DOCK3: variants seen among roughly 807,000 people sequenced by gnomAD.
DOCK3 encodes dedicator of cytokinesis protein 3.
In DOCK3, 60 loss-of-function variants were observed where a neutral mutation model predicts 265.6. The ratio of observed to expected loss-of-function variants is 0.23; its 90% confidence interval spans 0.18 to 0.28. The LOEUF (loss-of-function observed/expected upper bound fraction) is 0.28. Among genes scored for constraint, DOCK3 ranks in the 10% least tolerant of loss-of-function variants. The pLI, the probability that DOCK3 is intolerant of heterozygous loss-of-function variation, is 1.00. For synonymous variants in DOCK3, 881 were observed against 938.0 expected (o/e 0.94, Z 1.11); for missense variants, 1,981 against 2,594.3 (o/e 0.76, Z 5.14).
At position 51,306,416 on chromosome 3, in the gene DOCK3, TAG is replaced by T. The variant is rs201114539; in HGVS notation, c.2923-3813_2923-3812del. ...CGAATCTCTTTGATTTTATCCCCTG[TAG>T]AGTTTGTTGAGCTTCTTGGCTGTGT... On this transcript the variant is annotated intron_variant, in intron 27 of 52. Coordinates refer to ENST00000266037, the MANE Select transcript of DOCK3 (RefSeq NM_004947.5). Among the ~76,000 whole-genome samples, 17 of 152,332 alleles carry T rather than the reference TAG, an allele frequency of 1.1e-4. No individual in the cohort carries two copies. In the East Asian group the frequency reaches 2.9e-3, roughly 26 times the overall value.
At chr3:50,988,864 C>A (rs1480182545) in intron 5 of DOCK3, among the ~76,000 whole-genome samples, 1 of 152,182 alleles carries the variant, frequency 6.6e-6, no homozygotes, top group Non-Finnish European at 1.5e-5. Flanking sequence ...CAGCCTCCCC[C>A]AGCCAGAGCT....
intron 2 of DOCK3, chr3:50,786,619 T>G: frequency 1.7e-6 from 1 of 579,778 alleles, no homozygotes; most frequent in Non-Finnish European, 3.3e-6. Flanking sequence ...TTGTCCGCAC[T>G]CTGGCCTTTA....
chr3:51,151,375 C>T (rs922269156), intron 10 of DOCK3, among the ~76,000 whole-genome samples: 1 of 152,142 alleles, frequency 6.6e-6, no homozygotes, highest in African/African-American at 2.4e-5. Flanking sequence ...AACTAACAAA[C>T]AGAAAGGAAG....
At chr3:50,727,464 G>A (rs760136904) in intron 1 of DOCK3, among the ~76,000 whole-genome samples, 14 of 152,156 alleles carry the variant, frequency 9.2e-5, no homozygotes, top group African/African-American at 3.1e-4. Flanking sequence ...TTGGGAGGCC[G>A]AGGTGGGCAG....
At chr3:51,112,821 A>G (rs2083576809) in intron 9 of DOCK3, among the ~76,000 whole-genome samples, 1 of 152,134 alleles carries the variant, frequency 6.6e-6, no homozygotes, top group African/African-American at 2.4e-5. Flanking sequence ...ATTAATTAAA[A>G]CAGGATTTCT....
At chr3:51,357,443 G>A (rs962135158) in intron 44 of DOCK3, among the ~76,000 whole-genome samples, 1 of 152,180 alleles carries the variant, frequency 6.6e-6, no homozygotes, top group Admixed American at 6.5e-5. Flanking sequence ...CAGGAGAAGT[G>A]AGTTGTAGGC....
chr3:51,369,517 C>G (rs987301069), intron 49 of DOCK3, among the ~76,000 whole-genome samples: 1 of 152,118 alleles, frequency 6.6e-6, no homozygotes, highest in African/African-American at 2.4e-5. Context: ...AAGAAATGAA[C>G]AAAGCCCCCA....
At chr3:51,004,287 A>G (rs1477168868) in intron 5 of DOCK3, among the ~76,000 whole-genome samples, 1 of 152,106 alleles carries the variant, frequency 6.6e-6, no homozygotes, top group Admixed American at 6.6e-5. Context: ...GGCCCATGTG[A>G]GTGAATTTAA....
At position 51,236,379 on chromosome 3, in the gene DOCK3, T is replaced by A; in HGVS notation, c.1952T>A (p.Ile651Asn). 6.2e-7 allele frequency: 1 copy of A among 1,613,468 alleles called. No individual in the cohort carries two copies. Reference sequence around the variant, plus strand: ...GACATCTTAGATACACTCTTTGTGATTTTGGATGATAATACAGAGAAGTAC... The same window carrying A: ...GACATCTTAGATACACTCTTTGTGAATTTGGATGATAATACAGAGAAGTAC... ...LQDILDTLFV[I>N]LDDNTEKYGL... The change falls in exon 20 of 53, where the codon ATT becomes AAT. Residue 651 changes from isoleucine to asparagine, a missense_variant. This residue lies in a region of DOCK3 where 1,357 missense variants were observed against 1,866.8 expected (regional missense o/e 0.73). Transcript: ENST00000266037.
chr3:50,936,862 A>T (rs2051391097), intron 5 of DOCK3, among the ~76,000 whole-genome samples: 1 of 152,244 alleles, frequency 6.6e-6, no homozygotes, highest in Non-Finnish European at 1.5e-5. Flanking sequence ...AACATTAGGA[A>T]TGAAGAAAGC....
chr3:50,696,965 CTGT>C (rs1307427299), intron 1 of DOCK3, among the ~76,000 whole-genome samples: 1 of 148,036 alleles, frequency 6.8e-6, no homozygotes, highest in African/African-American at 2.5e-5. Context: ...CTCACTAACT[CTGT>C]TGCTCAGGCT....
chr3:51,360,725 C>A (rs2086671785), intron 47 of DOCK3, 93 bp downstream of exon 47: 1 of 1,521,824 alleles, frequency 6.6e-7, no homozygotes, highest in Admixed American at 2.0e-5. Flanking sequence ...TACTCATATT[C>A]CCTCTTACCC....
chr3:51,110,442 T>C (rs906896924), intron 9 of DOCK3, among the ~76,000 whole-genome samples: 2 of 152,068 alleles, frequency 1.3e-5, no homozygotes, highest in Admixed American at 1.3e-4. Flanking sequence ...CTCAACAAAA[T>C]ACTAGCAAAC....
intron 5 of DOCK3, among the ~76,000 whole-genome samples, chr3:50,947,425 A>T (rs946837763): frequency 2.0e-5 from 3 of 152,088 alleles, no homozygotes; most frequent in Non-Finnish European, 4.4e-5. Context: ...TTTCAGTTGA[A>T]AGCATTTGCA....
intron 49 of DOCK3, among the ~76,000 whole-genome samples, chr3:51,369,712 G>A (rs1475616416): frequency 6.6e-6 from 1 of 151,540 alleles, no homozygotes; most frequent in East Asian, 1.9e-4. Context: ...AGTGACTGCT[G>A]TATGGCACAG....
chr3:50,948,181 C>T (rs1422788475), intron 5 of DOCK3, among the ~76,000 whole-genome samples: 4 of 150,446 alleles, frequency 2.7e-5, no homozygotes, highest in Non-Finnish European at 5.9e-5. Context: ...CTTGGCCTCC[C>T]GAGTAGCTGG....
At chr3:51,191,515 C>T (rs530828605) in intron 12 of DOCK3, among the ~76,000 whole-genome samples, 2 of 152,270 alleles carry the variant, frequency 1.3e-5, no homozygotes, top group East Asian at 3.9e-4. Context: ...AGGCCTTCCC[C>T]TGTGGGCTGA....
At chr3:51,342,731 G>A (rs1484427922) in intron 38 of DOCK3, among the ~76,000 whole-genome samples, 3 of 152,210 alleles carry the variant, frequency 2.0e-5, no homozygotes, top group Non-Finnish European at 4.4e-5. Context: ...GCATAGAAAA[G>A]CAGGATTAAA....
chr3:50,851,813 G>C (rs1265111617), intron 3 of DOCK3, among the ~76,000 whole-genome samples: 2 of 152,202 alleles, frequency 1.3e-5, no homozygotes. Flanking sequence ...CCCTACTTCA[G>C]AACAGGTACT....
Sources: gnomAD v4.1 joint callset for allele counts (sites outside exome capture counted in the v4.1 genomes callset) on GRCh38, gnomAD v4.1.1 for gene constraint, gnomAD v4.1.1 regional missense constraint, MANE v1.5 for transcripts, NCBI Gene and HGNC (gene_info 2026-07-23, HGNC 2026-07-21) for gene names.